SOD2: variants seen among roughly 807,000 people sequenced by gnomAD.
SOD2 encodes superoxide dismutase 2.
SOD2 carries 11 observed loss-of-function variants against 27.0 expected under a neutral mutation model. The ratio of observed to expected loss-of-function variants is 0.41; its 90% CI spans 0.26 to 0.67. SOD2 has a LOEUF of 0.67. SOD2 is among the 30% of genes least tolerant of loss of function. SOD2 has a pLI of 0.34. For missense variants in SOD2, 250 were observed against 274.5 expected, an observed-to-expected ratio of 0.91 and a Z score of 0.63; for synonymous variants, 105 against 103.0, an observed-to-expected ratio of 1.02 and a Z score of -0.12.
At chr6:159,724,843 C>T (rs1778109789) in intron 1 of SOD2, among the ~76,000 whole-genome samples, 1 of 141,246 alleles carries the variant, frequency 7.1e-6, no homozygotes, top group Non-Finnish European at 1.5e-5. Flanking sequence ...CAGAGTCAGA[C>T]CCTGTTCTCA....
intron 1 of SOD2, among the ~76,000 whole-genome samples, chr6:159,734,992 C>T (rs566891748): frequency 6.6e-6 from 1 of 152,014 alleles, no homozygotes; most frequent in Non-Finnish European, 1.5e-5. Flanking sequence ...TAAAGTGTTC[C>T]CTACTTGAAT....
chr6:159,739,088 A>G (rs770262836), intron 1 of SOD2: 4 of 1,482,004 alleles, frequency 2.7e-6, no homozygotes, highest in East Asian at 2.3e-5. Context: ...TCTATAGAAC[A>G]TTATATTGTG....
At chr6:159,719,702 C>T (rs1777991977) in intron 1 of SOD2, among the ~76,000 whole-genome samples, 1 of 147,006 alleles carries the variant, frequency 6.8e-6, no homozygotes, top group Admixed American at 6.9e-5. Context: ...CTTAATCTAA[C>T]TCAGTATTAT....
intron 1 of SOD2, among the ~76,000 whole-genome samples, chr6:159,707,570 G>A (rs1448297491): frequency 6.6e-6 from 1 of 152,110 alleles, no homozygotes; most frequent in African/African-American, 2.4e-5. Context: ...AAACCACAAA[G>A]AAGTTGAATC....
At chr6:159,723,140 G>A (rs1230697211) in intron 1 of SOD2, among the ~76,000 whole-genome samples, 4 of 152,168 alleles carry the variant, frequency 2.6e-5, no homozygotes, top group Admixed American at 2.0e-4. Context: ...CATAAGGGAT[G>A]GTGGCTGACT....
chr6:159,680,466 C>T lies in SOD2; in HGVS notation c.*2027G>A, dbSNP rs2114757541. The T allele has an allele frequency of 6.6e-6, 1 of 152,062 alleles. No homozygotes were observed. Among genetic ancestry groups the T allele is most frequent in the Middle Eastern group, 3.4e-3 (1 of 294 alleles). 9.4% of individuals were successfully genotyped at this position (152,062 alleles called of 1,614,324 possible). On this transcript the variant is annotated 3_prime_UTR_variant, in exon 5 of 5. Coordinates refer to ENST00000538183, the MANE Select transcript of SOD2 (RefSeq NM_000636.4). ...CTAATAATTTTTAAAGCCTACTTTT[C>T]TAACTGAATTTTAAAAGTACCTTGA...
upstream of SOD2, among the ~76,000 whole-genome samples, chr6:159,694,634 C>G (rs191410584): frequency 1.9e-3 from 289 of 152,190 alleles, 1 homozygote; most frequent in African/African-American, 6.6e-3. Context: ...CTCGCTCTGT[C>G]GCTCAGGCTG....
upstream of SOD2, chr6:159,749,059 T>C (rs1232192814): frequency 2.3e-5 from 23 of 990,232 alleles, no homozygotes; most frequent in African/African-American, 3.5e-5. Flanking sequence ...GGCTCTATAT[T>C]ACTTGCTTGA....
intron 1 of SOD2, among the ~76,000 whole-genome samples, chr6:159,742,945 G>T (rs1419509614): frequency 6.6e-6 from 1 of 152,104 alleles, no homozygotes; most frequent in African/African-American, 2.4e-5. Flanking sequence ...CAAGGCTGCT[G>T]CAGTGAGCCC....
intron 2 of SOD2, chr6:159,692,426 C>T: frequency 1.4e-6 from 2 of 1,403,858 alleles, no homozygotes; most frequent in Admixed American, 3.3e-5. Flanking sequence ...CAAGCTCCTT[C>T]GCAGGACCCC....
intron 1 of SOD2, chr6:159,755,415 T>C: frequency 6.2e-7 from 1 of 1,614,110 alleles, no homozygotes; most frequent in Non-Finnish European, 8.5e-7. Context: ...GTAAATCAAC[T>C]CAGTGCGGGG....
At chr6:159,705,232 A>G (rs960539427) in intron 1 of SOD2, among the ~76,000 whole-genome samples, 2 of 152,264 alleles carry the variant, frequency 1.3e-5, no homozygotes, top group African/African-American at 4.8e-5. Flanking sequence ...CTCCAAAGGA[A>G]CACAGCTCCT....
At chr6:159,736,409 A>G in intron 1 of SOD2, 3 of 854,182 alleles carry the variant, frequency 3.5e-6, no homozygotes, top group Non-Finnish European at 5.7e-6. Context: ...CTTATTTTTC[A>G]TTTCTTTGCC....
chr6:159,744,923 T>G (rs1168349042), intron 1 of SOD2, among the ~76,000 whole-genome samples: 1 of 152,172 alleles, frequency 6.6e-6, no homozygotes, highest in Non-Finnish European at 1.5e-5. Context: ...TTGGCAATCC[T>G]TACTCCTTGG....
chr6:159,722,416 A>T (rs954882373), intron 1 of SOD2, among the ~76,000 whole-genome samples: 4 of 152,182 alleles, frequency 2.6e-5, no homozygotes, highest in African/African-American at 9.7e-5. Context: ...AAAAACAAAC[A>T]GGGTAAATGC....
chr6:159,692,327 C>A (rs1372907317), intron 2 of SOD2: 4 of 1,007,448 alleles, frequency 4.0e-6, no homozygotes, highest in South Asian at 4.2e-5. Context: ...GCAAAAAAAA[C>A]GAGTGACACA....
At chr6:159,743,934 C>G (rs1159818282) in intron 1 of SOD2, 7 of 972,624 alleles carry the variant, frequency 7.2e-6, no homozygotes, top group Non-Finnish European at 9.5e-6. Context: ...TTTAAGAATA[C>G]TAGATGAAAA....
intron 4 of SOD2, among the ~76,000 whole-genome samples, chr6:159,682,861 T>C (rs1405459432): frequency 1.3e-5 from 2 of 152,196 alleles, no homozygotes; most frequent in South Asian, 2.1e-4. Context: ...ATACTAACAA[T>C]AAAATAGACT....
At chr6:159,698,951 T>C (rs557056946) in intron 1 of SOD2, among the ~76,000 whole-genome samples, 1 of 78,320 alleles carries the variant, frequency 1.3e-5, no homozygotes, top group Non-Finnish European at 2.4e-5. Flanking sequence ...GGGGCGGGGG[T>C]GGAGGCAGAA....
Sources: gnomAD v4.1 joint callset for allele counts (sites outside exome capture counted in the v4.1 genomes callset) on GRCh38, gnomAD v4.1.1 for gene constraint, MANE v1.5 for transcripts, NCBI Gene and HGNC (gene_info 2026-07-23, HGNC 2026-07-21) for gene names.